The following P4HA3 variants were observed in gnomAD, a reference collection of about 807,000 sequenced individuals.
P4HA3 encodes prolyl 4-hydroxylase subunit alpha-3.
P4HA3 carries 60 observed loss-of-function variants against 66.7 expected under a neutral mutation model. The observed-to-expected ratio is 0.90, with a 90% CI of 0.73 to 1.12. The LOEUF is 1.12. Ranked by LOEUF, P4HA3 falls within the 50% of genes most tolerant of loss-of-function variation. The pLI is 0.00. For missense variants in P4HA3, 683 were observed against 685.8 expected, an observed-to-expected ratio of 1.00 and a Z score of 0.05; for synonymous variants, 263 against 274.6, an observed-to-expected ratio of 0.96 and a Z score of 0.42.
chr11:74,282,977 TG>T (rs1860659460), intron 7 of P4HA3, among the ~76,000 whole-genome samples: 2 of 152,132 alleles, frequency 1.3e-5, no homozygotes, highest in South Asian at 2.1e-4. Flanking sequence ...TCTTCAAAGA[TG>T]GGCAGGATGT....
At chr11:74,293,395 T>C (rs1406946336) in intron 4 of P4HA3, among the ~76,000 whole-genome samples, 1 of 152,216 alleles carries the variant, frequency 6.6e-6, no homozygotes, top group East Asian at 1.9e-4. Context: ...CATGACTCTT[T>C]ATCCAATTTG....
chr11:74,289,297 C>T (rs1288112739), intron 4 of P4HA3, among the ~76,000 whole-genome samples, 167 bp from the exon 5 acceptor site: 1 of 151,956 alleles, frequency 6.6e-6, no homozygotes, highest in Non-Finnish European at 1.5e-5. Context: ...GATCTGTGGC[C>T]TCACTGCAAA....
chr11:74,267,654 C>T (rs115022223), intron 12 of P4HA3, among the ~76,000 whole-genome samples: 3,071 of 152,286 alleles, frequency 0.02, 111 homozygotes, highest in African/African-American at 0.069. Context: ...GAGAGAAAAA[C>T]GGGTGGCATC....
rs931680561 is a variant in P4HA3, at chr11:74,303,999, T to C, written c.343+271A>G. ...ACTACTAGAAGACCGTTATTTTCTA[T>C]ACATATATAAATGGAAGGCTTGTAC... is the stretch of plus-strand genomic sequence containing the variant. On this transcript the variant is annotated intron_variant, in intron 2 of 12. Coordinates refer to ENST00000331597, the MANE Select transcript of P4HA3 (RefSeq NM_182904.5). Among the ~76,000 whole-genome samples, 5 of 152,300 alleles carry C rather than the reference T, an allele frequency of 3.3e-5. No individual in the cohort carries two copies. The East Asian group carries it at 5.8e-4, about 18-fold the overall frequency.
chr11:74,282,659 G>T (rs1424095134), intron 7 of P4HA3, among the ~76,000 whole-genome samples: 2 of 152,156 alleles, frequency 1.3e-5, no homozygotes, highest in Non-Finnish European at 2.9e-5. Context: ...ACCTTTTAAA[G>T]ATTTACTCTG....
At chr11:74,285,590 A>G (rs1346250324) in intron 7 of P4HA3, 4 of 489,938 alleles carry the variant, frequency 8.2e-6, no homozygotes, top group Non-Finnish European at 1.4e-5. Flanking sequence ...AATACCCCAG[A>G]GAATCCTCTT....
chr11:74,311,509 T>C lies in P4HA3; in HGVS notation c.103A>G (p.Thr35Ala), dbSNP rs750727191. The C allele has an allele frequency of 2.3e-5, 36 of 1,538,964 alleles. No individual in the cohort carries two copies. The South Asian group carries it at 4.2e-4, about 18-fold the overall frequency. Residue 35 changes from threonine to alanine, a missense_variant, in exon 1 of 13, where the codon ACC becomes GCC. Physicochemically the swap from Thr to Ala is moderately conservative, Grantham distance 58. Transcript: ENST00000331597. ...GGCGCCAGGGCGCGCGCCACGCTGG[T>C]CAGCGCCGAGAACGTGTCGCCCCGA... ...AARGDTFSAL[T>A]SVARALAPER...
intron 4 of P4HA3, among the ~76,000 whole-genome samples, chr11:74,297,524 T>C (rs572147312): frequency 4.6e-5 from 7 of 152,282 alleles, no homozygotes; most frequent in South Asian, 2.1e-4. Context: ...GGGTGGGAAA[T>C]GGGGTTAGCT....
chr11:74,281,566 C>T (rs2134752459), intron 7 of P4HA3, among the ~76,000 whole-genome samples: 1 of 152,154 alleles, frequency 6.6e-6, no homozygotes, highest in East Asian at 1.9e-4. Flanking sequence ...GAGTTCATGT[C>T]CTTTGTAGGG....
intron 5 of P4HA3, among the ~76,000 whole-genome samples, chr11:74,288,782 C>T (rs144265203): frequency 6.6e-6 from 1 of 151,800 alleles, no homozygotes; most frequent in African/African-American, 2.4e-5. Context: ...AACCCAGTCT[C>T]TACTAAAAAT....
downstream of P4HA3, among the ~76,000 whole-genome samples, chr11:74,262,090 G>A (rs1591081540): frequency 1.3e-5 from 2 of 152,308 alleles, no homozygotes; most frequent in South Asian, 4.1e-4. Context: ...ATCTGAAAAT[G>A]TGGTGGGCTT....
At chr11:74,255,372 C>T (rs969758305) in intron 15 of P4HA3, among the ~76,000 whole-genome samples, 1 of 152,094 alleles carries the variant, frequency 6.6e-6, no homozygotes, top group Non-Finnish European at 1.5e-5. Context: ...ACTTTGATCA[C>T]TTCAGTACCT....
At chr11:74,306,747 A>G (rs1239066467) in intron 1 of P4HA3, among the ~76,000 whole-genome samples, 2 of 152,200 alleles carry the variant, frequency 1.3e-5, no homozygotes, top group Non-Finnish European at 2.9e-5. Flanking sequence ...ATAGAAGACG[A>G]CTGCCTTGAG....
chr11:74,251,664 C>T, intron 15 of P4HA3: 3 of 1,613,746 alleles, frequency 1.9e-6, no homozygotes, highest in Non-Finnish European at 2.5e-6. Context: ...GAAGCTGTTG[C>T]CACTTTCCTG....
At chr11:74,261,293 T>C (rs1200843211) in intron 14 of P4HA3, among the ~76,000 whole-genome samples, 2 of 152,112 alleles carry the variant, frequency 1.3e-5, no homozygotes, top group East Asian at 3.9e-4. Flanking sequence ...GTGTGCTGAC[T>C]GGCTTGTGAG....
chr11:74,292,791 C>T (rs866848349), intron 4 of P4HA3, among the ~76,000 whole-genome samples: 6,039 of 152,174 alleles, frequency 0.04, 124 homozygotes, highest in Middle Eastern at 0.11. Flanking sequence ...TCTAGTTTGA[C>T]TGCACTGTGG....
downstream of P4HA3, among the ~76,000 whole-genome samples, chr11:74,264,946 C>G (rs1383693533): frequency 6.6e-6 from 1 of 152,216 alleles, no homozygotes; most frequent in South Asian, 2.1e-4. Flanking sequence ...TGTTTGATAA[C>G]TGCCCCATCT....
At chr11:74,267,892 G>A (rs886779607) in intron 12 of P4HA3, among the ~76,000 whole-genome samples, 3 of 152,206 alleles carry the variant, frequency 2.0e-5, no homozygotes, top group African/African-American at 7.2e-5. Flanking sequence ...CTCTGGCAGT[G>A]CTCAGGAATC....
intron 15 of P4HA3, chr11:74,251,424 C>T (rs926386826): frequency 4.3e-6 from 6 of 1,396,294 alleles, no homozygotes; most frequent in East Asian, 5.2e-5. Context: ...AAGCCCTTCA[C>T]GTCATTCCTC....
Sources: allele counts gnomAD v4.1 joint callset (sites outside exome capture counted in the v4.1 genomes callset), GRCh38; gene constraint gnomAD v4.1.1; transcripts MANE v1.5; gene names NCBI Gene and HGNC (gene_info 2026-07-23, HGNC 2026-07-21).